Variants in TRIM50 observed in about 807,000 individuals in gnomAD.
The protein encoded by TRIM50 is E3 ubiquitin-protein ligase TRIM50.
A neutral mutation model predicts 44.9 loss-of-function variants in TRIM50; 34 were observed. That is an observed-to-expected ratio of 0.76 (90% CI 0.58 to 1.01). TRIM50 has a LOEUF of 1.01. Among genes scored for constraint, TRIM50 ranks in the 50% least tolerant of loss-of-function variants. The pLI is 0.00. For missense variants in TRIM50, 633 were observed against 663.7 expected, an observed-to-expected ratio of 0.95 and a Z score of 0.51; for synonymous variants, 307 against 291.1, an observed-to-expected ratio of 1.05 and a Z score of -0.56.
intron 3 of TRIM50, among the ~76,000 whole-genome samples, chr7:73,319,616 C>T (rs564089348): frequency 2.2e-4 from 33 of 152,326 alleles, no homozygotes; most frequent in African/African-American, 7.9e-4. Context: ...CCGCCTGCCG[C>T]GCAAGGGTGA....
intron 2 of TRIM50, 142 bp downstream of exon 2, chr7:73,324,247 G>T: frequency 6.8e-7 from 1 of 1,471,712 alleles, no homozygotes; most frequent in East Asian, 2.5e-5. Flanking sequence ...CAGCTCAAAC[G>T]CTAAGGAATG....
In TRIM50 at chr7:73,316,615, G is replaced by T; in HGVS notation, c.824C>A (p.Ala275Asp). The T allele has an allele frequency of 6.2e-7, 1 of 1,614,244 alleles. No homozygotes were observed. The highest frequency in any genetic ancestry group is 8.5e-7 in the Non-Finnish European group (1 of 1,180,036). Residue 275 changes from alanine (A) to aspartate (D), a missense_variant, in exon 6 of 7, where the codon GCT (alanine) becomes GAT (aspartate). Transcript: ENST00000333149. ...TTTCCACACGGTCAGCTTGATGTCA[G>T]CCTGGTGGAGGCCTGGCTTGAAGGA... ...PISFKPGLHQ[A>D]DIKLTVWKRL... is the part of the protein sequence containing the mutation.
At position 73,313,397 on chromosome 7, in the gene TRIM50, C is replaced by T. The variant is rs1804279781; in HGVS notation, c.988G>A (p.Glu330Lys). The T allele has an allele frequency of 2.5e-6, 4 of 1,585,698 alleles. No homozygotes were observed. The highest frequency in any genetic ancestry group is 2.3e-5 in the East Asian group (1 of 43,578). The change falls in exon 7 of 7, where the codon GAG (glutamate) becomes AAG (lysine). Residue 330 changes from glutamate (E) to lysine (K), a missense_variant. Coordinates refer to ENST00000333149, the MANE Select transcript of TRIM50 (RefSeq NM_178125.3). The surrounding 1 kb of genome is among the most constrained non-coding windows in gnomAD (Gnocchi z 4.9). Reference sequence around the variant, plus strand: ...ACGCAGGTGCTGTAGTCGAAGCGCTCAGGCTGGCTGGCTCGCCGCTGGGCC... The same window carrying T: ...ACGCAGGTGCTGTAGTCGAAGCGCTTAGGCTGGCTGGCTCGCCGCTGGGCC... ...LLAQRRASQP[E>K]RFDYSTCVLA...
intron 1 of TRIM50, among the ~76,000 whole-genome samples, chr7:73,326,572 C>T (rs1250323283): frequency 1.4e-4 from 21 of 152,084 alleles, no homozygotes; most frequent in Admixed American, 4.6e-4. Flanking sequence ...CCAGAAAGCT[C>T]CCTCCTGCCT....
intron 3 of TRIM50, among the ~76,000 whole-genome samples, 181 bp downstream of exon 3, chr7:73,319,966 C>T (rs1390990993): frequency 2.4e-4 from 36 of 152,336 alleles, no homozygotes; most frequent in Admixed American, 3.3e-4. Flanking sequence ...CCAGTCCTAA[C>T]GACAACTGGG....
At chr7:73,320,409 C>T (rs1563302290) in intron 2 of TRIM50, among the ~76,000 whole-genome samples, 167 bp from the exon 3 acceptor site, 1 of 152,190 alleles carries the variant, frequency 6.6e-6, no homozygotes, top group Admixed American at 6.5e-5. Context: ...TTAAATTGTT[C>T]GAGAATAGTC....
rs541064307 is a variant in TRIM50 at position 73,313,506 on chromosome 7, C to T, written c.879G>A (p.Pro293=). ...TGGCAGGGTCCAACTTGAGAGGCTC[C>T]GGGGCTGGGAGGGAGATCACAGAGG... ...KRLFRKVLPA[P]EPLKLDPATA... The change falls in exon 7 of 7, where the codon CCG becomes CCA. Residue 293 remains proline (P), a synonymous_variant. Transcript: ENST00000333149. This position sits in a 1 kb window ranked among gnomAD's most constrained non-coding sequence, Gnocchi z 4.9. The T allele has an allele frequency of 6.5e-4, 973 of 1,502,426 alleles. 13 individuals are homozygous for T. The South Asian group carries it at 0.011, about 18-fold the overall frequency. 93.1% of individuals were successfully genotyped at this position (1,502,426 alleles called of 1,614,324 possible). A position where few individuals can be genotyped will look rare whatever the true frequency, so the allele number is the denominator to read the frequency against.
intron 2 of TRIM50, among the ~76,000 whole-genome samples, chr7:73,324,169 A>G (rs1319551835): frequency 1.3e-5 from 2 of 152,202 alleles, no homozygotes; most frequent in African/African-American, 4.8e-5. Flanking sequence ...GGAAGGGGTG[A>G]GCACGTGACA....
chr7:73,314,517 C>T (rs1804313352), intron 6 of TRIM50: 1 of 366,172 alleles, frequency 2.7e-6, no homozygotes, highest in South Asian at 2.2e-5. Context: ...GTCCTTGGAG[C>T]AGGAATTAAC....
At chr7:73,320,099 A>G in intron 3 of TRIM50, 48 bp downstream of exon 3, 1 of 1,613,796 alleles carries the variant, frequency 6.2e-7, no homozygotes, top group Non-Finnish European at 8.5e-7. Context: ...TCTACAGGAA[A>G]GTGAAGGTGG....
At chr7:73,318,566 G>A in intron 5 of TRIM50, 121 bp downstream of exon 5, 2 of 1,598,462 alleles carry the variant, frequency 1.3e-6, no homozygotes, top group Middle Eastern at 2.3e-4. Context: ...CTCAGTTATA[G>A]AGCCAGCTGT....
rs151231845 is a variant in TRIM50 at position 73,316,730 on chromosome 7, C to T, written c.750-41G>A. ...CACAGTACAAGAGAGTGAGGTATCA[C>T]GTGGCCCACCCCACCCCTCCATCCT... On this transcript the variant is annotated intron_variant, in intron 5 of 6. Transcript: ENST00000333149. The T allele has an allele frequency of 2.4e-4, 385 of 1,601,854 alleles. 1 individual carries two copies. Among genetic ancestry groups the T allele is most frequent in the Admixed American group, 1.3e-3 (77 of 59,344 alleles).
At chr7:73,316,742 C>T (rs1804370784) in intron 5 of TRIM50, 53 bp from the exon 6 acceptor site, 3 of 1,595,610 alleles carry the variant, frequency 1.9e-6, no homozygotes, top group South Asian at 1.1e-5. Flanking sequence ...TGGCCCACCC[C>T]ACCCCTCCAT....
In TRIM50 at chr7:73,313,236, G is replaced by A. The variant is rs782146377; in HGVS notation, c.1149C>T (p.Gly383=). 6 of 1,595,172 alleles carry A rather than the reference G, an allele frequency of 3.8e-6. No homozygotes were observed. In the Admixed American group the frequency reaches 8.8e-5, roughly 23 times the overall value. Residue 383 remains glycine (G), a synonymous_variant, in exon 7 of 7, where the codon GGC becomes GGT. Coordinates refer to ENST00000333149, the MANE Select transcript of TRIM50 (RefSeq NM_178125.3). The surrounding 1 kb of genome is among the most constrained non-coding windows in gnomAD (Gnocchi z 4.9). ...CCTCCTTCAGGCCGATCAGCCACACGCCGTGCTCGGGGGACCTGTTCAGCT... is the reference window on the plus strand; with the variant it reads ...CCTCCTTCAGGCCGATCAGCCACACACCGTGCTCGGGGGACCTGTTCAGCT... The part of the protein sequence containing the change: ...KGKLNRSPEH[G]VWLIGLKEGR...
At chr7:73,317,401 AG>A (rs1321812628) in intron 5 of TRIM50, among the ~76,000 whole-genome samples, 40 of 127,664 alleles carry the variant, frequency 3.1e-4, no homozygotes, top group African/African-American at 1.2e-3. Context: ...TCTGTCGCCC[AG>A]GCTGGAGTGC....
At position 73,318,815 on chromosome 7, in the gene TRIM50, C is replaced by T. The variant is rs782007091; in HGVS notation, c.726+7G>A. 1 of 1,613,976 alleles carries T rather than the reference C, an allele frequency of 6.2e-7. No individual in the cohort carries two copies. The highest frequency in any genetic ancestry group is 1.1e-5 in the South Asian group (1 of 91,070). On this transcript the variant is annotated splice_region_variant and intron_variant, in intron 4 of 6. Transcript: ENST00000333149. The stretch of plus-strand genomic sequence containing the variant: ...TATGGGGATGGGACGCCTCCCTGTC[C>T]ACTCACCCGGATGAACTTGTGGTGG...
rs564579307 is a variant in TRIM50, at chr7:73,313,536, G to A, written c.875-26C>T. The A allele has an allele frequency of 6.8e-6, 10 of 1,464,156 alleles. No individual in the cohort carries two copies. The highest frequency in any genetic ancestry group is 1.9e-4 in the Middle Eastern group (1 of 5,182). 90.7% of individuals were successfully genotyped at this position (1,464,156 alleles called of 1,614,324 possible). A position where few individuals can be genotyped will look rare whatever the true frequency, so the allele number is the denominator to read the frequency against. ...CTGGGAGGGAGATCACAGAGGGTCT[G>A]TGAGGCCACGTGGAGGGCAGCAGAC... On this transcript the variant is annotated intron_variant, in intron 6 of 6. Coordinates refer to ENST00000333149, the MANE Select transcript of TRIM50 (RefSeq NM_178125.3). The surrounding 1 kb of genome is among the most constrained non-coding windows in gnomAD (Gnocchi z 4.9).
chr7:73,319,386 C>A (rs1440758033), intron 3 of TRIM50, among the ~76,000 whole-genome samples: 1 of 152,100 alleles, frequency 6.6e-6, no homozygotes, highest in Non-Finnish European at 1.5e-5. Flanking sequence ...CTTGACCTCC[C>A]AGCCTCAAGC....
At chr7:73,319,415 T>C (rs1168078559) in intron 3 of TRIM50, among the ~76,000 whole-genome samples, 3 of 152,012 alleles carry the variant, frequency 2.0e-5, no homozygotes, top group African/African-American at 7.2e-5. Context: ...CGCCTCAGCC[T>C]CCCGAGTTGC....
Sources: gnomAD v4.1 joint callset for allele counts (sites outside exome capture counted in the v4.1 genomes callset) on GRCh38, gnomAD v4.1.1 for gene constraint, Gnocchi (gnomAD v3.1) non-coding constraint, MANE v1.5 for transcripts, NCBI Gene and HGNC (gene_info 2026-07-23, HGNC 2026-07-21) for gene names.